Variants in MRPS14 observed in about 807,000 individuals in gnomAD.
MRPS14 encodes the protein mitochondrial ribosomal protein S14, also known as small ribosomal subunit protein uS14m.
A neutral mutation model predicts 16.4 loss-of-function variants in MRPS14; 14 were observed. The observed-to-expected ratio is 0.85, with a 90% CI of 0.56 to 1.33. MRPS14 has a LOEUF of 1.33. Among genes scored for constraint, MRPS14 ranks in the 40% most tolerant of loss-of-function variants. The pLI, the probability that MRPS14 is intolerant of heterozygous loss-of-function variation, is 0.00. For synonymous variants in MRPS14, 54 were observed against 61.9 expected, an observed-to-expected ratio of 0.87 and a Z score of 0.60; for missense variants, 162 against 176.8, an observed-to-expected ratio of 0.92 and a Z score of 0.48.
At chr1:175,023,066 AACGTT>A (rs1673008975) in intron 1 of MRPS14, among the ~76,000 whole-genome samples, 1 of 152,128 alleles carries the variant, frequency 6.6e-6, no homozygotes, top group African/African-American at 2.4e-5. Flanking sequence ...CTCATCTCTT[AACGTT>A]ACAAGTCTCT....
intron 2 of MRPS14, among the ~76,000 whole-genome samples, chr1:175,015,447 C>G (rs1180449376): frequency 6.6e-6 from 1 of 151,980 alleles, no homozygotes; most frequent in East Asian, 1.9e-4. Context: ...GAATGATGAT[C>G]AAATAGGAGG....
In MRPS14 at chr1:175,018,404, C is replaced by A; in HGVS notation, c.204+14G>T. ...GATCTTGTGGTACAAAGGGACTCAT[C>A]TTAATTAGCTAACCTGAAGAATTTT... On this transcript the variant is annotated intron_variant, in intron 2 of 2. Transcript: ENST00000476371. The A allele has an allele frequency of 6.3e-7, 1 of 1,582,962 alleles. No individual in the cohort carries two copies. The highest frequency in any genetic ancestry group is 8.6e-7 in the Non-Finnish European group (1 of 1,166,592).
Sources: gnomAD v4.1 joint callset for allele counts (sites outside exome capture counted in the v4.1 genomes callset) on GRCh38, gnomAD v4.1.1 for gene constraint, MANE v1.5 for transcripts, NCBI Gene and HGNC (gene_info 2026-07-23, HGNC 2026-07-21) for gene names.